The following CNBD1 variants were observed in gnomAD, a reference collection of about 807,000 sequenced individuals.
The protein encoded by CNBD1 is cyclic nucleotide binding domain containing 1, also known as cyclic nucleotide-binding domain-containing protein 1.
A neutral mutation model predicts 54.4 loss-of-function variants in CNBD1; 71 were observed. The observed-to-expected ratio is 1.30, with a 90% CI of 1.08 to 1.59. The LOEUF (loss-of-function observed/expected upper bound fraction) is 1.59, where lower values mean the gene tolerates loss of function less well. Ranked by LOEUF, CNBD1 falls within the 40% of genes most tolerant of loss-of-function variation. The pLI, the probability that CNBD1 is intolerant of heterozygous loss-of-function variation, is 0.00. For missense variants in CNBD1, 659 were observed against 518.0 expected, an observed-to-expected ratio of 1.27 and a Z score of -2.64; for synonymous variants, 182 against 170.7, an observed-to-expected ratio of 1.07 and a Z score of -0.51.
intron 1 of CNBD1, among the ~76,000 whole-genome samples, chr8:86,884,964 G>A (rs1215085235): frequency 6.6e-6 from 1 of 152,122 alleles, no homozygotes; most frequent in Admixed American, 6.5e-5. Context: ...GGGCTATGCT[G>A]TCCATCTCTT....
At chr8:87,426,754 T>A (rs1022714740) in intron 2 of CNBD1, among the ~76,000 whole-genome samples, 12 of 152,174 alleles carry the variant, frequency 7.9e-5, no homozygotes, top group Non-Finnish European at 1.3e-4. Flanking sequence ...GCACTTAGTG[T>A]GCATAATCAA....
At chr8:87,085,974 T>C (rs1429150989) in intron 4 of CNBD1, among the ~76,000 whole-genome samples, 1 of 152,158 alleles carries the variant, frequency 6.6e-6, no homozygotes, top group African/African-American at 2.4e-5. Flanking sequence ...AGCTTTTGTT[T>C]CATAATAGGG....
At chr8:87,224,435 G>C (rs1284676693) in intron 5 of CNBD1, among the ~76,000 whole-genome samples, 1 of 151,492 alleles carries the variant, frequency 6.6e-6, no homozygotes, top group Non-Finnish European at 1.5e-5. Flanking sequence ...CGTAAGGAAG[G>C]GATCCAGTTT....
intron 4 of CNBD1, among the ~76,000 whole-genome samples, chr8:86,978,220 A>G (rs2130503258): frequency 6.6e-6 from 1 of 152,300 alleles, no homozygotes; most frequent in East Asian, 1.9e-4. Flanking sequence ...ACTTTTTACT[A>G]AAATCAACTT....
intron 10 of CNBD1, among the ~76,000 whole-genome samples, chr8:87,359,110 A>G (rs1465506704): frequency 6.6e-6 from 1 of 152,190 alleles, no homozygotes; most frequent in Non-Finnish European, 1.5e-5. Flanking sequence ...TAAGTGTCAC[A>G]TACAAAAGTG....
intron 2 of CNBD1, among the ~76,000 whole-genome samples, chr8:87,420,701 G>T (rs1352623358): frequency 1.3e-5 from 2 of 150,840 alleles, no homozygotes. Flanking sequence ...AATGCTTTAG[G>T]CACAACTGAT....
chr8:87,343,487 G>A lies in CNBD1; in HGVS notation c.1043-8198G>A, dbSNP rs191485013. On this transcript the variant is annotated intron_variant, in intron 8 of 10. Coordinates refer to ENST00000518476, the MANE Select transcript of CNBD1 (RefSeq NM_173538.3). ...TAATTCTTCTGCCATGGCTTCAGCC[G>A]GTCCCTCCATTCGGGGTCCCTGACT... 3.4e-3 allele frequency among the ~76,000 whole-genome samples: 522 copies of A among 152,246 alleles called. 3 individuals carry two copies. Among genetic ancestry groups the A allele is most frequent in the African/African-American group, 0.011 (442 of 41,538 alleles).
Position 87,077,415 on chromosome 8 carries a change from T to C in CNBD1, c.432-128578T>C, listed in dbSNP as rs191934848. On this transcript the variant is annotated intron_variant, in intron 4 of 10. Coordinates refer to ENST00000518476, the MANE Select transcript of CNBD1 (RefSeq NM_173538.3). The stretch of plus-strand genomic sequence containing the variant: ...TAGGCCTCTTCTTCTTCTTCTTCTT[T>C]TTTTTTTTTTTTTTTATTATACTTT... Among the ~76,000 whole-genome samples, 928 of 143,082 alleles carry C rather than the reference T, an allele frequency of 6.5e-3. 12 individuals are homozygous for C. The East Asian group carries it at 0.074, about 11-fold the overall frequency. The allele number at this position is 143,082 out of a possible 152,430, so 93.9% of individuals were successfully genotyped here.
chr8:87,288,310 T>G (rs1808732466), intron 8 of CNBD1, among the ~76,000 whole-genome samples: 1 of 152,056 alleles, frequency 6.6e-6, no homozygotes, highest in South Asian at 2.1e-4. Context: ...TTTGTCATGG[T>G]TTTGTCACAG....
At chr8:87,320,574 G>T (rs1809501675) in intron 8 of CNBD1, among the ~76,000 whole-genome samples, 1 of 146,754 alleles carries the variant, frequency 6.8e-6, no homozygotes, top group Admixed American at 6.8e-5. Context: ...TAATTTAATG[G>T]TCTTATTTTT....
chr8:87,070,577 A>G (rs1243692425), intron 4 of CNBD1, among the ~76,000 whole-genome samples: 1 of 152,022 alleles, frequency 6.6e-6, no homozygotes, highest in African/African-American at 2.4e-5. Context: ...TGTGAGAAAA[A>G]GAGATTTTTT....
At chr8:87,026,727 A>T (rs2130586080) in intron 4 of CNBD1, among the ~76,000 whole-genome samples, 1 of 152,338 alleles carries the variant, frequency 6.6e-6, no homozygotes. Flanking sequence ...CGTACTTACT[A>T]GTTCCTTACT....
intron 4 of CNBD1, among the ~76,000 whole-genome samples, chr8:87,122,557 T>C (rs533536611): frequency 3.9e-5 from 6 of 151,996 alleles, no homozygotes; most frequent in Non-Finnish European, 8.9e-5. Context: ...CACTTTCGTC[T>C]ATTTGTGCTT....
chr8:87,140,376 T>G, intron 4 of CNBD1, among the ~76,000 whole-genome samples: 1 of 152,184 alleles, frequency 6.6e-6, no homozygotes, highest in Non-Finnish European at 1.5e-5. Context: ...TCAGAGATTT[T>G]GTACTTCTCA....
chr8:87,015,752 G>A, intron 4 of CNBD1, among the ~76,000 whole-genome samples: 1 of 151,884 alleles, frequency 6.6e-6, no homozygotes, highest in African/African-American at 2.4e-5. Flanking sequence ...GGCCGAGGCG[G>A]GTGGATCACT....
chr8:86,976,919 C>CT (rs1036104064), intron 4 of CNBD1, among the ~76,000 whole-genome samples: 4 of 151,740 alleles, frequency 2.6e-5, no homozygotes, highest in East Asian at 3.9e-4. Context: ...GTTTTAACAA[C>CT]TTTTTTTTGG....
chr8:87,367,149 C>A (rs1810657623), intron 10 of CNBD1, among the ~76,000 whole-genome samples: 1 of 152,022 alleles, frequency 6.6e-6, no homozygotes, highest in South Asian at 2.1e-4. Context: ...GGAAAGTCTA[C>A]ATGGGAAGAC....
intron 2 of CNBD1, among the ~76,000 whole-genome samples, chr8:87,392,906 T>C (rs1811336959): frequency 6.6e-6 from 1 of 151,956 alleles, no homozygotes. Flanking sequence ...GAAGTCTTAT[T>C]CTAGATGCAT....
At chr8:87,161,040 T>C (rs966823314) in intron 4 of CNBD1, among the ~76,000 whole-genome samples, 2 of 152,090 alleles carry the variant, frequency 1.3e-5, no homozygotes, top group Non-Finnish European at 2.9e-5. Flanking sequence ...ATCATCTAGA[T>C]TTTATTTTTC....
Sources: gnomAD v4.1 joint callset for allele counts (sites outside exome capture counted in the v4.1 genomes callset) on GRCh38, gnomAD v4.1.1 for gene constraint, MANE v1.5 for transcripts, NCBI Gene and HGNC (gene_info 2026-07-23, HGNC 2026-07-21) for gene names.